The following CDYL2 variants were observed in gnomAD, a reference collection of about 807,000 sequenced individuals.
CDYL2 encodes chromodomain Y-like protein 2.
In CDYL2, 23 loss-of-function variants were observed where a neutral mutation model predicts 49.4. The ratio of observed to expected loss-of-function variants is 0.47; its 90% CI spans 0.34 to 0.66. The LOEUF is 0.66. Among genes scored for constraint, CDYL2 ranks in the 30% least tolerant of loss-of-function variants. CDYL2 has a pLI of 0.01. For missense variants in CDYL2, 678 were observed against 656.4 expected, an observed-to-expected ratio of 1.03 and a Z score of -0.36; for synonymous variants, 360 against 268.8, an observed-to-expected ratio of 1.34 and a Z score of -3.32.
At chr16:80,772,670 C>A (rs1906946473) in intron 1 of CDYL2, among the ~76,000 whole-genome samples, 1 of 152,138 alleles carries the variant, frequency 6.6e-6, no homozygotes, top group Non-Finnish European at 1.5e-5. Context: ...CCAGGATGGT[C>A]TCAATCTCCT....
intron 1 of CDYL2, among the ~76,000 whole-genome samples, chr16:80,691,912 C>T (rs529676072): frequency 4.6e-5 from 7 of 152,174 alleles, no homozygotes; most frequent in Admixed American, 2.6e-4. Flanking sequence ...ATAAAATTCC[C>T]GCTGGAACCA....
intron 2 of CDYL2, among the ~76,000 whole-genome samples, chr16:80,649,754 G>A (rs755880873): frequency 1.3e-5 from 2 of 152,070 alleles, no homozygotes; most frequent in Non-Finnish European, 2.9e-5. Flanking sequence ...CACGGTACTG[G>A]CATAAAAACA....
At chr16:80,679,710 C>G (rs892933068) in intron 2 of CDYL2, 7 of 455,996 alleles carry the variant, frequency 1.5e-5, no homozygotes, top group Admixed American at 1.2e-4. Context: ...AGAGCACAAG[C>G]ACTTCAAGTT....
At chr16:80,682,853 C>G (rs550143121) in intron 2 of CDYL2, among the ~76,000 whole-genome samples, 5 of 152,352 alleles carry the variant, frequency 3.3e-5, no homozygotes, top group African/African-American at 9.6e-5. Context: ...CTAAAACAAA[C>G]AGCTTTTACA....
intron 2 of CDYL2, among the ~76,000 whole-genome samples, chr16:80,674,259 A>T (rs1334456476): frequency 6.6e-6 from 1 of 152,134 alleles, no homozygotes; most frequent in African/African-American, 2.4e-5. Context: ...CAAGCAATGC[A>T]CGTGTCTTCT....
intron 2 of CDYL2, among the ~76,000 whole-genome samples, chr16:80,671,926 C>A (rs375505603): frequency 6.6e-6 from 1 of 152,204 alleles, no homozygotes; most frequent in East Asian, 1.9e-4. Flanking sequence ...AAATGTCCAA[C>A]AACAAGAGAC....
At chr16:80,756,631 G>C (rs1423684758) in intron 1 of CDYL2, among the ~76,000 whole-genome samples, 1 of 151,914 alleles carries the variant, frequency 6.6e-6, no homozygotes, top group African/African-American at 2.4e-5. Flanking sequence ...AGTAAAAAAA[G>C]GAACACTTTT....
chr16:80,776,811 T>C (rs1006626433), intron 1 of CDYL2, among the ~76,000 whole-genome samples: 6 of 151,738 alleles, frequency 4.0e-5, no homozygotes, highest in Non-Finnish European at 7.4e-5. Flanking sequence ...CATACGTATA[T>C]ATTACAAAAC....
chr16:80,742,570 A>T (rs1905779556), intron 1 of CDYL2, among the ~76,000 whole-genome samples: 1 of 151,620 alleles, frequency 6.6e-6, no homozygotes, highest in Admixed American at 6.6e-5. Context: ...ATGAGTGGAT[A>T]TATAAATGGG....
chr16:80,745,493 G>A (rs1905896230), intron 1 of CDYL2, among the ~76,000 whole-genome samples: 1 of 152,144 alleles, frequency 6.6e-6, no homozygotes. Context: ...AGACCTTTCT[G>A]TGCCTTCAAT....
chr16:80,632,272 G>A (rs187314017), intron 3 of CDYL2, among the ~76,000 whole-genome samples: 1 of 152,126 alleles, frequency 6.6e-6, no homozygotes, highest in Non-Finnish European at 1.5e-5. Context: ...CTAAAACATG[G>A]ATGAAACATG....
chr16:80,678,391 C>A (rs1275145326), intron 2 of CDYL2, among the ~76,000 whole-genome samples: 1 of 152,118 alleles, frequency 6.6e-6, no homozygotes, highest in Non-Finnish European at 1.5e-5. Flanking sequence ...CCAGAATCTA[C>A]GATGAACTCA....
chr16:80,642,584 T>G (rs542989849), intron 2 of CDYL2, among the ~76,000 whole-genome samples: 3 of 152,130 alleles, frequency 2.0e-5, no homozygotes, highest in Non-Finnish European at 4.4e-5. Context: ...GACAAAGACA[T>G]CGGGTAGACT....
intron 1 of CDYL2, among the ~76,000 whole-genome samples, chr16:80,750,904 C>T (rs987141694): frequency 9.9e-5 from 15 of 152,054 alleles, no homozygotes; most frequent in African/African-American, 1.7e-4. Flanking sequence ...CCTGCACTCC[C>T]AGCTACTGGG....
chr16:80,776,594 GTATAT>G (rs1168405676), intron 1 of CDYL2, among the ~76,000 whole-genome samples: 7 of 149,492 alleles, frequency 4.7e-5, no homozygotes, highest in East Asian at 1.9e-4. Flanking sequence ...TTTTGTATCT[GTATAT>G]TATATATTAT....
chr16:80,754,714 T>A (rs771062897), intron 1 of CDYL2, among the ~76,000 whole-genome samples: 1 of 152,206 alleles, frequency 6.6e-6, no homozygotes, highest in Non-Finnish European at 1.5e-5. Context: ...GGAATACACA[T>A]AGCACACCTG....
At chr16:80,659,120 A>G (rs115400550) in intron 2 of CDYL2, among the ~76,000 whole-genome samples, 35 of 144,558 alleles carry the variant, frequency 2.4e-4, no homozygotes, top group African/African-American at 8.1e-4. Context: ...TGGATGGATG[A>G]ACAGACAGAT....
chr16:80,610,733 C>T (rs897917205), intron 5 of CDYL2, among the ~76,000 whole-genome samples: 1 of 152,228 alleles, frequency 6.6e-6, no homozygotes, highest in Non-Finnish European at 1.5e-5. Flanking sequence ...AAGCTCCCAG[C>T]ACACTTTGCA....
chr16:80,742,982 G>A (rs1454184836), intron 1 of CDYL2, among the ~76,000 whole-genome samples: 1 of 122,422 alleles, frequency 8.2e-6, no homozygotes, highest in Admixed American at 1.1e-4. Flanking sequence ...GAATCGATAG[G>A]TGAGTACAAA....
Sources: allele counts gnomAD v4.1 joint callset (sites outside exome capture counted in the v4.1 genomes callset), GRCh38; gene constraint gnomAD v4.1.1; transcripts MANE v1.5; gene names NCBI Gene and HGNC (gene_info 2026-07-23, HGNC 2026-07-21).